Variants in DSTN observed in about 807,000 individuals in gnomAD.
DSTN encodes destrin.
Under a neutral mutation model 16.8 loss-of-function variants are expected in DSTN, and 10 were observed. The ratio of observed to expected loss-of-function variants is 0.60; its 90% CI spans 0.37 to 1.01. The LOEUF (loss-of-function observed/expected upper bound fraction) is 1.01, where lower values mean the gene tolerates loss of function less well. DSTN is among the 50% of genes least tolerant of loss of function. DSTN has a pLI of 0.01. For synonymous variants in DSTN, 57 were observed against 58.9 expected (o/e 0.97, Z 0.14); for missense variants, 141 against 196.7 (o/e 0.72, Z 1.69).
rs972275053 is a variant in DSTN, at chr20:17,582,768, A to G, written c.3+12557A>G. On this transcript the variant is annotated intron_variant, in intron 1 of 3. Transcript: ENST00000246069. Reference sequence around the variant, plus strand: ...GAACTTCTAGAACACATAGGTATAAATCTCTGTGAACTTGTGTTAGGCAAT... The same window carrying G: ...GAACTTCTAGAACACATAGGTATAAGTCTCTGTGAACTTGTGTTAGGCAAT... Among the ~76,000 whole-genome samples, 81 of 152,238 alleles carry G rather than the reference A, an allele frequency of 5.3e-4. 2 individuals carry two copies. The highest frequency in any genetic ancestry group is 5.3e-3 in the Admixed American group (81 of 15,292).
intron 1 of DSTN, among the ~76,000 whole-genome samples, chr20:17,595,330 T>C (rs559569745): frequency 6.6e-6 from 1 of 152,274 alleles, no homozygotes; most frequent in African/African-American, 2.4e-5. Context: ...ACAGAGAAAA[T>C]AGAATCTTTC....
At chr20:17,580,997 T>C (rs984470310) in intron 1 of DSTN, among the ~76,000 whole-genome samples, 2 of 152,060 alleles carry the variant, frequency 1.3e-5, no homozygotes, top group African/African-American at 4.8e-5. Flanking sequence ...GAAAATAGAT[T>C]ATAGGCAAGA....
At chr20:17,594,026 T>A (rs2035498991) in intron 1 of DSTN, among the ~76,000 whole-genome samples, 1 of 151,982 alleles carries the variant, frequency 6.6e-6, no homozygotes, top group African/African-American at 2.4e-5. Context: ...GGCTGCAGTT[T>A]GCTATGATCA....
rs1025292707 is a variant in DSTN at position 17,607,033 on chromosome 20, C to A, written c.389-4C>A. ...TAAATAGAAGTGTTGTTTTTTCTCT[C>A]TAGGCATAAAACATGAATGTCAAGC... is the stretch of plus-strand genomic sequence containing the variant. On this transcript the variant is annotated splice_polypyrimidine_tract_variant and splice_region_variant and intron_variant, in intron 3 of 3. Coordinates refer to ENST00000246069, the MANE Select transcript of DSTN (RefSeq NM_006870.4). 1 of 1,612,576 alleles carries A rather than the reference C, an allele frequency of 6.2e-7. No homozygotes were observed. Among genetic ancestry groups the A allele is most frequent in the Admixed American group, 1.7e-5 (1 of 59,710 alleles).
chr20:17,575,185 GT>G (rs2035264805), intron 1 of DSTN, among the ~76,000 whole-genome samples: 2 of 151,880 alleles, frequency 1.3e-5, no homozygotes, highest in South Asian at 4.1e-4. Flanking sequence ...TCAAAATTGT[GT>G]TTAACTTAGT....
rs1344547083 is a variant in DSTN, at chr20:17,600,999, T to C, written c.265T>C (p.Phe89Leu). 1 of 1,607,702 alleles carries C rather than the reference T, an allele frequency of 6.2e-7. No homozygotes were observed. The highest frequency in any genetic ancestry group is 2.2e-5 in the East Asian group (1 of 44,776). Residue 89 changes from phenylalanine to leucine, a missense_variant, in exon 2 of 4, where the codon TTT becomes CTT. Physicochemically the swap from Phe to Leu is conservative, Grantham distance 22 (BLOSUM62 0). Coordinates refer to ENST00000246069, the MANE Select transcript of DSTN (RefSeq NM_006870.4). ...TCGCTATGCTTTGTATGATGCAAGC[T>C]TTGAAACAAAAGAATCCAGAAAAGA... The part of the protein sequence containing the change: ...DCRYALYDAS[F>L]ETKESRKEEL...
intron 1 of DSTN, among the ~76,000 whole-genome samples, chr20:17,573,250 T>TA (rs1049259517): frequency 5.9e-5 from 9 of 152,216 alleles, no homozygotes; most frequent in Admixed American, 3.3e-4. Flanking sequence ...TTTTAAAACT[T>TA]ACGTAAATAC....
intron 1 of DSTN, among the ~76,000 whole-genome samples, chr20:17,574,135 T>A (rs2035239567): frequency 6.6e-6 from 1 of 152,158 alleles, no homozygotes; most frequent in African/African-American, 2.4e-5. Context: ...GCCTGGGTGT[T>A]AGAGGCTTCT....
At chr20:17,602,402 A>G (rs781385370) in intron 2 of DSTN, among the ~76,000 whole-genome samples, 2 of 152,160 alleles carry the variant, frequency 1.3e-5, no homozygotes, top group Non-Finnish European at 2.9e-5. Flanking sequence ...AGGCCAGCTA[A>G]TGGTTTAGGC....
rs548955181 is a variant in DSTN, at chr20:17,603,266, T to C, written c.312-1289T>C. On this transcript the variant is annotated intron_variant, in intron 2 of 3. Coordinates refer to ENST00000246069, the MANE Select transcript of DSTN (RefSeq NM_006870.4). ...GAAATATGGCAGCTAAATGGAATTA[T>C]TAAATGCTCAGAAGTATTTAGCTAT... Among the ~76,000 whole-genome samples, 3 of 152,320 alleles carry C rather than the reference T, an allele frequency of 2.0e-5. No homozygotes were observed. The South Asian group carries it at 6.2e-4, about 32-fold the overall frequency.
chr20:17,581,965 C>T (rs749140071), intron 1 of DSTN, among the ~76,000 whole-genome samples: 5 of 151,802 alleles, frequency 3.3e-5, no homozygotes, highest in Non-Finnish European at 7.4e-5. Context: ...TATATATTCT[C>T]ATTTTTTCAA....
At chr20:17,605,462 T>C in intron 3 of DSTN, among the ~76,000 whole-genome samples, 1 of 152,250 alleles carries the variant, frequency 6.6e-6, no homozygotes, top group Admixed American at 6.5e-5. Flanking sequence ...TGGCCTGATG[T>C]TGATTTTGTT....
Position 17,604,648 on chromosome 20 carries a change from C to CCAGA in DSTN, c.388+17_388+18insCAGA. 6.2e-7 allele frequency: 1 copy of CCAGA among 1,606,412 alleles called. No homozygotes were observed. The highest frequency in any genetic ancestry group is 1.3e-5 in the African/African-American group (1 of 74,594). On this transcript the variant is annotated intron_variant, in intron 3 of 3. Transcript: ENST00000246069. ...AATTTCAAGGTATGTTCTAGATGAC[C>CCAGA]TCTGAATATGTAGAGGTATGGTGAA...
At chr20:17,597,558 C>T in intron 1 of DSTN, among the ~76,000 whole-genome samples, 1 of 152,212 alleles carries the variant, frequency 6.6e-6, no homozygotes, top group East Asian at 1.9e-4. Flanking sequence ...GGGTATCCAT[C>T]ACCCGAATAA....
chr20:17,603,432 G>A (rs1200307591), intron 2 of DSTN, among the ~76,000 whole-genome samples: 2 of 152,106 alleles, frequency 1.3e-5, no homozygotes, highest in Non-Finnish European at 2.9e-5. Context: ...ACTGGTTTTG[G>A]TATATGTCAT....
chr20:17,602,108 G>A (rs1013100201), intron 2 of DSTN, among the ~76,000 whole-genome samples: 4 of 152,122 alleles, frequency 2.6e-5, no homozygotes, highest in Non-Finnish European at 5.9e-5. Context: ...AAGATAACTC[G>A]AGGTCACACC....
intron 1 of DSTN, among the ~76,000 whole-genome samples, chr20:17,572,344 G>A (rs113727276): frequency 0.016 from 2,478 of 152,316 alleles, 59 homozygotes; most frequent in African/African-American, 0.057. Context: ...ACGTGTGTGT[G>A]TGTGTACTGG....
At chr20:17,577,923 A>T (rs899980258) in intron 1 of DSTN, among the ~76,000 whole-genome samples, 7 of 152,246 alleles carry the variant, frequency 4.6e-5, no homozygotes, top group African/African-American at 1.7e-4. Context: ...AATGGATAAG[A>T]ATAAATTTTT....
Position 17,608,208 on chromosome 20 carries a change from T to G in DSTN, c.*1062T>G, listed in dbSNP as rs2035662497. The G allele has an allele frequency of 6.6e-6, 1 of 152,208 alleles. No homozygotes were observed. Among genetic ancestry groups the G allele is most frequent in the African/African-American group, 2.4e-5 (1 of 41,434 alleles). The allele number at this position is 152,208 out of a possible 1,614,324, so 9.4% of individuals were successfully genotyped here. A position where few individuals can be genotyped will look rare whatever the true frequency, so the allele number is the denominator to read the frequency against. ...CAGTTGAACTTAGAAGTAGCAGTAT[T>G]GGCTTTATGTAATAAAGGAAGCATT... On this transcript the variant is annotated 3_prime_UTR_variant, in exon 4 of 4. Coordinates refer to ENST00000246069, the MANE Select transcript of DSTN (RefSeq NM_006870.4).
Sources: gnomAD v4.1 joint callset for allele counts (sites outside exome capture counted in the v4.1 genomes callset) on GRCh38, gnomAD v4.1.1 for gene constraint, MANE v1.5 for transcripts, NCBI Gene and HGNC (gene_info 2026-07-23, HGNC 2026-07-21) for gene names.